Variants in PIN1 observed in about 807,000 individuals in gnomAD.
PIN1 encodes peptidyl-prolyl cis-trans isomerase NIMA-interacting 1.
In PIN1, 8 loss-of-function variants were observed where a neutral mutation model predicts 19.9. The ratio of observed to expected loss-of-function variants is 0.40; its 90% CI spans 0.24 to 0.72. The LOEUF (loss-of-function observed/expected upper bound fraction) is 0.72. PIN1 is among the 30% of genes least tolerant of loss of function. The probability of loss-of-function intolerance (pLI) is 0.37; values close to 1 mark genes in which losing one functional copy is unlikely to be tolerated. For missense variants in PIN1, 185 were observed against 226.5 expected, an observed-to-expected ratio of 0.82 and a Z score of 1.18; for synonymous variants, 86 against 90.8, an observed-to-expected ratio of 0.95 and a Z score of 0.30.
intron 2 of PIN1, 81 bp from the exon 3 acceptor site, chr19:9,847,949 A>AGCT: frequency 1.2e-6 from 1 of 864,156 alleles, no homozygotes; most frequent in Non-Finnish European, 2.0e-6. Context: ...CCCGCTGGCC[A>AGCT]GCTCTGGAGT....
Position 9,835,411 on chromosome 19 carries a change from GGGGTCGGGGCT to G in PIN1, c.58+13_58+23del. 6.6e-7 allele frequency: 1 copy of G among 1,504,548 alleles called. No homozygotes were observed. Among genetic ancestry groups the G allele is most frequent in the Non-Finnish European group, 8.8e-7 (1 of 1,133,062 alleles). 93.2% of individuals were successfully genotyped at this position (1,504,548 alleles called of 1,614,324 possible). On this transcript the variant is annotated intron_variant, in intron 1 of 3. Transcript: ENST00000247970. ...CATGAGCCGCAGCTCAGGTGCCGCG[GGGGTCGGGGCT>G]GGGGCGGGACTGCGCGGGCCCGCGT...
intron 2 of PIN1, among the ~76,000 whole-genome samples, chr19:9,839,415 C>CAAAA (rs549874572): frequency 1.2e-5 from 1 of 84,326 alleles, no homozygotes; most frequent in Admixed American, 1.3e-4. Flanking sequence ...GGCACCATCT[C>CAAAA]AAAAAAAAAA....
chr19:9,841,324 C>T (rs937100489), intron 2 of PIN1, among the ~76,000 whole-genome samples: 1 of 152,212 alleles, frequency 6.6e-6, no homozygotes, highest in Non-Finnish European at 1.5e-5. Context: ...CTCTCTTTCC[C>T]CTGTATTCCC....
intron 2 of PIN1, among the ~76,000 whole-genome samples, chr19:9,841,429 C>A (rs1347024657): frequency 6.6e-6 from 1 of 152,144 alleles, no homozygotes; most frequent in Admixed American, 6.6e-5. Context: ...CAGGACGGGG[C>A]AGAAGTAAAG....
At chr19:9,842,525 G>A (rs1279687214) in intron 2 of PIN1, among the ~76,000 whole-genome samples, 1 of 152,162 alleles carries the variant, frequency 6.6e-6, no homozygotes, top group East Asian at 1.9e-4. Flanking sequence ...CTCTGCTCAC[G>A]GGCAGCCCCT....
At chr19:9,848,715 C>T (rs1050100073) in intron 3 of PIN1, 5 of 297,412 alleles carry the variant, frequency 1.7e-5, no homozygotes, top group African/African-American at 4.4e-5. Context: ...TGGGGTGGGG[C>T]GGCAGCATGG....
chr19:9,843,606 CA>C (rs1314262852), intron 2 of PIN1, among the ~76,000 whole-genome samples: 1 of 152,236 alleles, frequency 6.6e-6, no homozygotes, highest in Admixed American at 6.5e-5. Context: ...CAGAAGTCCA[CA>C]ATCCAGGTTC....
chr19:9,842,566 C>A (rs920431914), intron 2 of PIN1, among the ~76,000 whole-genome samples: 1 of 152,198 alleles, frequency 6.6e-6, no homozygotes, highest in African/African-American at 2.4e-5. Context: ...AGAAAGAGTT[C>A]CGGATAGGAC....
chr19:9,835,675 A>C (rs1185882382), intron 1 of PIN1: 5 of 457,526 alleles, frequency 1.1e-5, no homozygotes, highest in Non-Finnish European at 1.9e-5. Context: ...GGCCCGGCTG[A>C]TACCTCTCGG....
chr19:9,839,108 C>T (rs2046140643), intron 2 of PIN1, among the ~76,000 whole-genome samples: 1 of 152,124 alleles, frequency 6.6e-6, no homozygotes, highest in Admixed American at 6.5e-5. Flanking sequence ...GAGTCATAAA[C>T]ATAGGTGGAT....
rs1006848636 is a variant in PIN1, at chr19:9,847,583, C to T, written c.272-447C>T. ...GGGCTTTCTCTGGACAGCTCTCCCA[C>T]CTCTGCCCAGGGGGCCCGGGGGGCC... On this transcript the variant is annotated intron_variant, in intron 2 of 3. Coordinates refer to ENST00000247970, the MANE Select transcript of PIN1 (RefSeq NM_006221.4). Among the ~76,000 whole-genome samples the T allele has an allele frequency of 2.6e-5, 4 of 152,248 alleles. No homozygotes were observed. The South Asian group carries it at 6.2e-4, about 24-fold the overall frequency.
Position 9,848,328 on chromosome 19 carries a change from G to C in PIN1, c.382+188G>C, listed in dbSNP as rs145293152. ...GGCAGGGCCAGGGCCACACAGGGAG[G>C]GGGGCTGCAGCACTTTCTTCCTGGC... On this transcript the variant is annotated intron_variant, in intron 3 of 3. Coordinates refer to ENST00000247970, the MANE Select transcript of PIN1 (RefSeq NM_006221.4). 1,137 of 603,970 alleles carry C rather than the reference G, an allele frequency of 1.9e-3. 7 individuals are homozygous for C. Among genetic ancestry groups the C allele is most frequent in the African/African-American group, 7.6e-3 (414 of 54,124 alleles). The allele number at this position is 603,970 out of a possible 1,614,324, so 37.4% of individuals were successfully genotyped here. A position where few individuals can be genotyped will look rare whatever the true frequency, so the allele number is the denominator to read the frequency against.
intron 2 of PIN1, 41 bp from the exon 3 acceptor site, chr19:9,847,989 A>C (rs756513450): frequency 1.5e-6 from 2 of 1,300,172 alleles, no homozygotes; most frequent in South Asian, 2.4e-5. Flanking sequence ...GGCCCCCCCC[A>C]ACCCCTGACC....
intron 2 of PIN1, among the ~76,000 whole-genome samples, chr19:9,844,755 A>T (rs2046202874): frequency 6.6e-6 from 1 of 152,240 alleles, no homozygotes; most frequent in South Asian, 2.1e-4. Flanking sequence ...TTAGGGTCGC[A>T]GCCTGAGTTT....
intron 2 of PIN1, among the ~76,000 whole-genome samples, chr19:9,842,452 G>A (rs776167529): frequency 4.6e-5 from 7 of 152,190 alleles, no homozygotes; most frequent in South Asian, 2.1e-4. Flanking sequence ...TGCTCTGCAC[G>A]GTGGAGCCTC....
At position 9,838,718 on chromosome 19, in the gene PIN1, A is replaced by G. The variant is rs2046136996; in HGVS notation, c.271+70A>G. 2 of 1,290,790 alleles carry G rather than the reference A, an allele frequency of 1.5e-6. No individual in the cohort carries two copies. Among genetic ancestry groups the G allele is most frequent in the African/African-American group, 2.9e-5 (2 of 68,158 alleles). 80.0% of individuals were successfully genotyped at this position (1,290,790 alleles called of 1,614,324 possible). On this transcript the variant is annotated intron_variant, in intron 2 of 3. Transcript: ENST00000247970. The surrounding 1 kb of genome is among the most constrained non-coding windows in gnomAD (Gnocchi z 5.8). ...GGTGAGCCTTTGTAGAAGTCACATC[A>G]GACCCTTCACCCCAGCTTGCTCAGC... is the stretch of plus-strand genomic sequence containing the variant.
chr19:9,839,827 C>A (rs116513353), intron 2 of PIN1, among the ~76,000 whole-genome samples: 2,065 of 152,132 alleles, frequency 0.014, 39 homozygotes, highest in African/African-American at 0.047. Flanking sequence ...ATAGCAAAAC[C>A]CCGTCTCTAA....
In PIN1 at chr19:9,838,658, G is replaced by T. The variant is rs1323973132; in HGVS notation, c.271+10G>T. On this transcript the variant is annotated intron_variant, in intron 2 of 3. Transcript: ENST00000247970. The surrounding 1 kb of genome is among the most constrained non-coding windows in gnomAD (Gnocchi z 5.8). ...CTGGAGCTGATCAACGGTGAGCAGG[G>T]CGAGGGCAGGGGCTTGGGAGGGGGT... is the stretch of plus-strand genomic sequence containing the variant. 2.0e-6 allele frequency: 3 copies of T among 1,533,472 alleles called. No homozygotes were observed. In the Admixed American group the frequency reaches 5.9e-5, roughly 30 times the overall value. 95.0% of individuals were successfully genotyped at this position (1,533,472 alleles called of 1,614,324 possible). A position where few individuals can be genotyped will look rare whatever the true frequency, so the allele number is the denominator to read the frequency against.
intron 1 of PIN1, 111 bp downstream of exon 1, chr19:9,835,513 C>T (rs1309668366): frequency 1.1e-5 from 8 of 747,832 alleles, no homozygotes; most frequent in East Asian, 3.4e-5. Flanking sequence ...GGGGTCCTGG[C>T]TCTTCCGCGT....
Sources: gnomAD v4.1 joint callset for allele counts (sites outside exome capture counted in the v4.1 genomes callset) on GRCh38, gnomAD v4.1.1 for gene constraint, Gnocchi (gnomAD v3.1) non-coding constraint, MANE v1.5 for transcripts, NCBI Gene and HGNC (gene_info 2026-07-23, HGNC 2026-07-21) for gene names.